TBC1D32: variants seen among roughly 807,000 people sequenced by gnomAD.
TBC1D32 encodes TBC1 domain family member 32.
TBC1D32 carries 151 observed loss-of-function variants against 170.3 expected under a neutral mutation model. The observed-to-expected ratio is 0.89, with a 90% confidence interval of 0.78 to 1.01. TBC1D32 has a LOEUF of 1.01. TBC1D32 is among the 50% of genes least tolerant of loss of function. The pLI is 0.00. For missense variants in TBC1D32, 1,464 were observed against 1,457.1 expected (o/e 1.00, Z -0.08); for synonymous variants, 498 against 488.0 (o/e 1.02, Z -0.27).
chr6:121,293,470 G>A (rs75409354), intron 11 of TBC1D32, among the ~76,000 whole-genome samples: 4,996 of 152,116 alleles, frequency 0.033, 193 homozygotes, highest in East Asian at 0.12. Context: ...ATAAGATATC[G>A]TCATACTCTC....
chr6:121,153,082 T>C (rs1784410046), intron 24 of TBC1D32, among the ~76,000 whole-genome samples: 1 of 152,150 alleles, frequency 6.6e-6, no homozygotes, highest in African/African-American at 2.4e-5. Flanking sequence ...GAAAAGGTGT[T>C]CTGGTTTTTG....
intron 20 of TBC1D32, among the ~76,000 whole-genome samples, chr6:121,227,008 T>C (rs1045126985): frequency 2.0e-5 from 3 of 150,460 alleles, no homozygotes; most frequent in Non-Finnish European, 4.4e-5. Context: ...AGAATTGTCT[T>C]GGGCCACACA....
intron 21 of TBC1D32, 75 bp downstream of exon 21, chr6:121,223,161 G>A (rs1794706807): frequency 1.1e-6 from 1 of 947,864 alleles, no homozygotes; most frequent in Non-Finnish European, 1.6e-6. Flanking sequence ...TCTCTTTTTG[G>A]TCAAATTACC....
intron 11 of TBC1D32, 88 bp from the exon 12 acceptor site, chr6:121,292,281 G>A (rs1239395144): frequency 1.5e-6 from 2 of 1,360,542 alleles, no homozygotes. Context: ...ATTAAACAAG[G>A]CTACAGGCTA....
At chr6:121,310,965 G>T in intron 3 of TBC1D32, 118 bp from the exon 4 acceptor site, 2 of 656,810 alleles carry the variant, frequency 3.0e-6, no homozygotes, top group Non-Finnish European at 5.3e-6. Flanking sequence ...AGAAGGAGAT[G>T]ATCTATTTTG....
intron 1 of TBC1D32, among the ~76,000 whole-genome samples, chr6:121,333,268 A>T (rs181309443): frequency 5.9e-5 from 9 of 152,306 alleles, no homozygotes; most frequent in African/African-American, 2.2e-4. Flanking sequence ...CTGGAGGTAG[A>T]CTTGTAAATT....
At chr6:121,208,384 G>A (rs985492856) in intron 21 of TBC1D32, among the ~76,000 whole-genome samples, 2 of 152,120 alleles carry the variant, frequency 1.3e-5, no homozygotes, top group Non-Finnish European at 2.9e-5. Flanking sequence ...GCAGCAGGAA[G>A]GAGAAGTGTG....
At chr6:121,215,246 G>A (rs975479854) in intron 21 of TBC1D32, among the ~76,000 whole-genome samples, 9 of 152,168 alleles carry the variant, frequency 5.9e-5, no homozygotes, top group Non-Finnish European at 1.0e-4. Context: ...TTGGCAGCTC[G>A]GCCCTCATAC....
chr6:121,110,545 A>G (rs552762581), intron 29 of TBC1D32, among the ~76,000 whole-genome samples: 36 of 152,212 alleles, frequency 2.4e-4, no homozygotes, highest in African/African-American at 8.7e-4. Context: ...AGGCTGAGCT[A>G]AAGAAGGTAG....
intron 24 of TBC1D32, among the ~76,000 whole-genome samples, chr6:121,151,996 T>C (rs1784280604): frequency 6.6e-6 from 1 of 152,204 alleles, no homozygotes; most frequent in Admixed American, 6.5e-5. Context: ...ATTTAGCTTG[T>C]TTACAGTTAA....
At chr6:121,285,103 G>A (rs1434830175) in intron 12 of TBC1D32, among the ~76,000 whole-genome samples, 8 of 152,098 alleles carry the variant, frequency 5.3e-5, no homozygotes, top group Non-Finnish European at 1.2e-4. Context: ...GCCATTGTGG[G>A]CTGATTTCAT....
intron 12 of TBC1D32, among the ~76,000 whole-genome samples, chr6:121,289,810 A>C (rs918287245): frequency 1.3e-5 from 2 of 152,144 alleles, no homozygotes; most frequent in African/African-American, 4.8e-5. Context: ...GATATAGACC[A>C]ATGGAACAGA....
At chr6:121,160,678 A>AT (rs1785507620) in intron 23 of TBC1D32, among the ~76,000 whole-genome samples, 1 of 152,218 alleles carries the variant, frequency 6.6e-6, no homozygotes, top group Admixed American at 6.5e-5. Flanking sequence ...TCAAAGGCGC[A>AT]TAAGAAAAAT....
At chr6:121,308,344 A>G (rs1169933249) in intron 4 of TBC1D32, among the ~76,000 whole-genome samples, 1 of 151,736 alleles carries the variant, frequency 6.6e-6, no homozygotes, top group Non-Finnish European at 1.5e-5. Context: ...GTGGTAGCAG[A>G]TTTTAGGTAT....
At chr6:121,208,845 A>C (rs1331973192) in intron 21 of TBC1D32, among the ~76,000 whole-genome samples, 5 of 152,050 alleles carry the variant, frequency 3.3e-5, no homozygotes, top group Non-Finnish European at 7.4e-5. Flanking sequence ...GAATTGGGAA[A>C]GAATAAATTT....
intron 30 of TBC1D32, among the ~76,000 whole-genome samples, chr6:121,091,703 T>C (rs1776818451): frequency 1.3e-5 from 2 of 152,238 alleles, no homozygotes; most frequent in Admixed American, 6.5e-5. Context: ...ACAGAGATTA[T>C]AAATACTGGA....
chr6:121,279,011 C>T, intron 15 of TBC1D32, 110 bp downstream of exon 15: 1 of 1,216,720 alleles, frequency 8.2e-7, no homozygotes, highest in Non-Finnish European at 1.1e-6. Context: ...CTGCATAGTC[C>T]ATAATCCTGG....
chr6:121,117,468 G>A (rs1253067207), intron 26 of TBC1D32, among the ~76,000 whole-genome samples: 1 of 152,138 alleles, frequency 6.6e-6, no homozygotes, highest in Non-Finnish European at 1.5e-5. Context: ...TTGGGAGGCT[G>A]AGAGGGATGG....
At chr6:121,238,219 T>G (rs77148903) in intron 20 of TBC1D32, among the ~76,000 whole-genome samples, 3,658 of 152,192 alleles carry the variant, frequency 0.024, 159 homozygotes, top group East Asian at 0.12. Flanking sequence ...CATTTTAGAT[T>G]TCTATCAGTG....
Sources: allele counts gnomAD v4.1 joint callset (sites outside exome capture counted in the v4.1 genomes callset), GRCh38; gene constraint gnomAD v4.1.1; transcripts MANE v1.5; gene names NCBI Gene and HGNC (gene_info 2026-07-23, HGNC 2026-07-21).